The following RABEP2 variants were observed in gnomAD, a reference collection of about 807,000 sequenced individuals.
RABEP2 encodes rab GTPase-binding effector protein 2.
In RABEP2, 57 loss-of-function variants were observed where a neutral mutation model predicts 74.1. That is an observed-to-expected ratio of 0.77 (90% CI 0.62 to 0.96). The LOEUF is 0.96. Among genes scored for constraint, RABEP2 ranks in the 40% least tolerant of loss-of-function variants. RABEP2 has a pLI of 0.00. For synonymous variants in RABEP2, 351 were observed against 344.0 expected, an observed-to-expected ratio of 1.02 and a Z score of -0.23; for missense variants, 692 against 756.3, an observed-to-expected ratio of 0.91 and a Z score of 1.00.
At chr16:28,912,706 C>T (rs773119967) in intron 5 of RABEP2, among the ~76,000 whole-genome samples, 2 of 152,140 alleles carry the variant, frequency 1.3e-5, no homozygotes, top group African/African-American at 4.8e-5. Flanking sequence ...AGCCACTGCA[C>T]CTGGCCCCAA....
chr16:28,906,831 C>T (rs557402246), intron 8 of RABEP2, among the ~76,000 whole-genome samples: 4 of 151,988 alleles, frequency 2.6e-5, no homozygotes, highest in African/African-American at 7.3e-5. Context: ...TGGTGGCCGG[C>T]GCCTGTAATC....
chr16:28,908,729 A>T lies in RABEP2; in HGVS notation c.1125T>A (p.His375Gln). 1 of 1,613,090 alleles carries T rather than the reference A, an allele frequency of 6.2e-7. No individual in the cohort carries two copies. The change falls in exon 8 of 13, where the codon CAT becomes CAA. Residue 375 changes from histidine to glutamine, a missense_variant. By Grantham distance (24) the His-to-Gln change is conservative. Coordinates refer to ENST00000358201, the MANE Select transcript of RABEP2 (RefSeq NM_024816.3). ...TTTCCTCATTCAACCGCTTTACCTC[A>T]TGGTGCAGGCACTTGTGGGTGGTGA... is the stretch of plus-strand genomic sequence containing the variant. Reference protein sequence around the residue: ...ELVTTHKCLHHEVKRLNEENQ... With the variant: ...ELVTTHKCLHQEVKRLNEENQ...
chr16:28,912,660 G>A (rs962258770), intron 5 of RABEP2, among the ~76,000 whole-genome samples: 3 of 152,026 alleles, frequency 2.0e-5, no homozygotes, highest in Admixed American at 6.6e-5. Context: ...CATTCTGCCC[G>A]CTTCAGTGTC....
chr16:28,914,722 C>A lies in RABEP2; in HGVS notation c.493G>T (p.Glu165Ter), dbSNP rs778442859. 1.2e-6 allele frequency: 2 copies of A among 1,614,214 alleles called. No individual in the cohort carries two copies. The highest frequency in any genetic ancestry group is 1.7e-5 in the Admixed American group (1 of 60,024). ...IVLPMEKEIEELKAKLLRAEE... is the reference protein window; with the variant it reads ...IVLPMEKEIE ...GCCCTCAGCAGCTTCGCCTTCAGCT[C>A]CTCGATCTCCTTTTCCATGGGCAGT... is the stretch of plus-strand genomic sequence containing the variant. The change falls in exon 4 of 13, where the codon GAG becomes TAG. Residue 165 changes from glutamate to a stop codon, truncating the protein, a stop_gained. Transcript: ENST00000358201. LOFTEE classifies it high-confidence loss of function.
chr16:28,914,571 C>T lies in RABEP2; in HGVS notation c.559G>A (p.Ala187Thr). The T allele has an allele frequency of 6.2e-7, 1 of 1,608,932 alleles. No individual in the cohort carries two copies. The change falls in exon 5 of 13, where the codon GCC becomes ACC. Residue 187 changes from alanine (A) to threonine (T), a missense_variant. Ala to Thr is a moderately conservative substitution (Grantham distance 58, BLOSUM62 0). Transcript: ENST00000358201. ...TCCGTGGAGCCGTGCAGGGAAGGGG[C>T]ATGCCGGGGACGTCTCTAGGGAAGG... is the stretch of plus-strand genomic sequence containing the variant. ...IQEIQRRPRHAPSLHGSTELL... is the reference protein window; with the variant it reads ...IQEIQRRPRHTPSLHGSTELL...
chr16:28,924,906 C>A lies in RABEP2; in HGVS notation c.61+197G>T, dbSNP rs562144902. ...CTTCCTCACCGGGCCCCACTTCGCA[C>A]CTGTCACTGGCCCTACCCCTTCAAT... On this transcript the variant is annotated intron_variant, in intron 1 of 12. Coordinates refer to ENST00000358201, the MANE Select transcript of RABEP2 (RefSeq NM_024816.3). The A allele has an allele frequency of 5.0e-6, 4 of 807,738 alleles. No individual in the cohort carries two copies. In the African/African-American group the frequency reaches 6.8e-5, roughly 14 times the overall value. 50.0% of individuals were successfully genotyped at this position (807,738 alleles called of 1,614,324 possible). A position where few individuals can be genotyped will look rare whatever the true frequency, so the allele number is the denominator to read the frequency against.
At chr16:28,920,164 G>A (rs1179442749) in intron 2 of RABEP2, among the ~76,000 whole-genome samples, 1 of 151,858 alleles carries the variant, frequency 6.6e-6, no homozygotes, top group Non-Finnish European at 1.5e-5. Context: ...TCATCCTTCT[G>A]GTGGCTACAG....
intron 8 of RABEP2, 136 bp from the exon 9 acceptor site, chr16:28,906,332 G>A (rs576203770): frequency 3.3e-5 from 38 of 1,164,332 alleles, no homozygotes; most frequent in Non-Finnish European, 4.5e-5. Context: ...GTGGGGAAGA[G>A]CCCAAAATGC....
chr16:28,905,574 G>C, intron 11 of RABEP2, 61 bp from the exon 12 acceptor site: 1 of 1,569,886 alleles, frequency 6.4e-7, no homozygotes, highest in South Asian at 1.1e-5. Context: ...ATGGGAGGGT[G>C]CATGGCCAGC....
At chr16:28,906,345 A>G in intron 8 of RABEP2, 149 bp from the exon 9 acceptor site, 2 of 1,093,176 alleles carry the variant, frequency 1.8e-6, no homozygotes, top group Non-Finnish European at 1.3e-6. Context: ...CAAAATGCCC[A>G]TCATCTGGGA....
At chr16:28,910,124 T>C (rs1964291796) in intron 7 of RABEP2, among the ~76,000 whole-genome samples, 1 of 151,560 alleles carries the variant, frequency 6.6e-6, no homozygotes, top group Non-Finnish European at 1.5e-5. Context: ...GCAGGGAACC[T>C]GTGTTCCTAG....
chr16:28,922,443 C>A (rs575463502), intron 2 of RABEP2, among the ~76,000 whole-genome samples: 1 of 151,592 alleles, frequency 6.6e-6, no homozygotes, highest in Non-Finnish European at 1.5e-5. Context: ...AAAATGGGGC[C>A]GGGCGTGGTG....
chr16:28,912,726 T>C (rs1475226710), intron 5 of RABEP2, among the ~76,000 whole-genome samples: 1 of 152,240 alleles, frequency 6.6e-6, no homozygotes, highest in East Asian at 1.9e-4. Context: ...AGTGAGCTTT[T>C]GAAAGCCTGG....
chr16:28,910,307 G>GAGA lies in RABEP2; in HGVS notation c.1089+578_1089+580dup, dbSNP rs1432391810. On this transcript the variant is annotated intron_variant, in intron 7 of 12. Transcript: ENST00000358201. ...TTGCTTTTTTTTTTTTTTTTTCTTT[G>GAGA]AGACAGTTTTGCTTTCACCCAGGCT... The GAGA allele has an allele frequency of 3.3e-5, 4 of 121,034 alleles. No homozygotes were observed. In the East Asian group the frequency reaches 7.4e-4, roughly 22 times the overall value. 7.5% of individuals were successfully genotyped at this position (121,034 alleles called of 1,614,324 possible). A position where few individuals can be genotyped will look rare whatever the true frequency, so the allele number is the denominator to read the frequency against.
At chr16:28,910,767 G>T in intron 7 of RABEP2, 121 bp downstream of exon 7, 10 of 863,086 alleles carry the variant, frequency 1.2e-5, no homozygotes, top group Admixed American at 2.4e-5. Context: ...GTTCCAGGGT[G>T]TGGCCTGAGC....
intron 5 of RABEP2, among the ~76,000 whole-genome samples, chr16:28,911,637 G>A (rs1190541455): frequency 7.0e-6 from 1 of 143,134 alleles, no homozygotes; most frequent in African/African-American, 2.7e-5. Flanking sequence ...CCGTGAGTGA[G>A]ATTCCGTCTC....
chr16:28,924,425 G>A lies in RABEP2; in HGVS notation c.252C>T (p.Ala84=). The A allele has an allele frequency of 2.5e-6, 4 of 1,613,258 alleles. No individual in the cohort carries two copies. The highest frequency in any genetic ancestry group is 3.4e-6 in the Non-Finnish European group (4 of 1,180,010). ...AVQRQCQEEV[A]SLQAILKDSI... is the part of the protein sequence containing the mutation. ...CACCTTTCAGGATGGCCTGCAGCGA[G>A]GCCACCTCCTCTTGGCACTGCCGCT... is the stretch of plus-strand genomic sequence containing the variant. Residue 84 remains alanine, a synonymous_variant, in exon 2 of 13, where the codon GCC becomes GCT. Transcript: ENST00000358201.
intron 1 of RABEP2, 63 bp downstream of exon 1, chr16:28,925,040 G>T (rs911939119): frequency 7.3e-6 from 11 of 1,498,326 alleles, no homozygotes; most frequent in Non-Finnish European, 9.9e-6. Flanking sequence ...ATCCGCAGGT[G>T]GCTGGCTCGG....
Position 28,914,774 on chromosome 16 carries a change from C to T in RABEP2, c.441G>A (p.Glu147=), listed in dbSNP as rs776148694. The change falls in exon 4 of 13, where the codon GAG becomes GAA. Residue 147 remains glutamate, a synonymous_variant. Coordinates refer to ENST00000358201, the MANE Select transcript of RABEP2 (RefSeq NM_024816.3). ...CGATCTCCCGCAGCTTCTCCGAGTC[C>T]TCGTGGGCCTGGAGGGAGCGGGGTG... ...SLEKQMEKAH[E]DSEKLREIVL... 2.5e-6 allele frequency: 4 copies of T among 1,614,068 alleles called. 1 individual carries two copies. In the South Asian group the frequency reaches 4.4e-5, roughly 18 times the overall value.
Sources: gnomAD v4.1 joint callset for allele counts (sites outside exome capture counted in the v4.1 genomes callset) on GRCh38, gnomAD v4.1.1 for gene constraint, MANE v1.5 for transcripts, NCBI Gene and HGNC (gene_info 2026-07-23, HGNC 2026-07-21) for gene names.